The following COG3 variants were observed in gnomAD, a reference collection of about 807,000 sequenced individuals.
The protein encoded by COG3 is component of oligomeric golgi complex 3, also known as conserved oligomeric Golgi complex subunit 3.
COG3 carries 32 observed loss-of-function variants against 114.1 expected under a neutral mutation model. The observed-to-expected ratio is 0.28, with a 90% confidence interval of 0.21 to 0.38. The LOEUF is 0.38. COG3 is among the 10% of genes least tolerant of loss of function. The pLI, the probability that COG3 is intolerant of heterozygous loss-of-function variation, is 1.00. For synonymous variants in COG3, 352 were observed against 365.7 expected, an observed-to-expected ratio of 0.96 and a Z score of 0.43; for missense variants, 813 against 973.2, an observed-to-expected ratio of 0.84 and a Z score of 2.19.
At chr13:45,515,352 C>CT (rs1871431445) in intron 16 of COG3, among the ~76,000 whole-genome samples, 1 of 152,138 alleles carries the variant, frequency 6.6e-6, no homozygotes, top group Non-Finnish European at 1.5e-5. Context: ...TGAAAGATAA[C>CT]TTTATCTTTT....
At position 45,535,510 on chromosome 13, in the gene COG3, A is replaced by C; in HGVS notation, c.*779A>C. ...CGAAGTACCAATTAAGGTGTCTTAA[A>C]TTTGGCGCATAGAGGAGAGAAGGAA... On this transcript the variant is annotated 3_prime_UTR_variant, in exon 23 of 23. Transcript: ENST00000349995. 2 of 985,556 alleles carry C rather than the reference A, an allele frequency of 2.0e-6. No homozygotes were observed. Among genetic ancestry groups the C allele is most frequent in the Non-Finnish European group, 2.4e-6 (2 of 830,040 alleles). 61.1% of individuals were successfully genotyped at this position (985,556 alleles called of 1,614,324 possible). A position where few individuals can be genotyped will look rare whatever the true frequency, so the allele number is the denominator to read the frequency against.
rs1566266248 is a variant in COG3, at chr13:45,513,499, T to TCA, written c.1809+1645_1809+1646insCA. Among the ~76,000 whole-genome samples, 51 of 38,394 alleles carry TCA rather than the reference T, an allele frequency of 1.3e-3. 12 individuals are homozygous for TCA. Among genetic ancestry groups the TCA allele is most frequent in the African/African-American group, 6.1e-3 (45 of 7,394 alleles). The allele number at this position is 38,394 out of a possible 152,430, so 25.2% of individuals were successfully genotyped here. ...TATATATATAATATATACATATAAATTATATATATAATATATACATATAAA... is the reference window on the plus strand; with the variant it reads ...TATATATATAATATATACATATAAATCATATATATATAATATATACATATAAA... On this transcript the variant is annotated intron_variant, in intron 16 of 22. Transcript: ENST00000349995.
chr13:45,508,729 C>T (rs985894989), intron 14 of COG3, among the ~76,000 whole-genome samples: 3 of 152,148 alleles, frequency 2.0e-5, no homozygotes, highest in African/African-American at 7.2e-5. Flanking sequence ...TCCCTCGACC[C>T]AGAAGTGATT....
intron 15 of COG3, among the ~76,000 whole-genome samples, chr13:45,510,644 A>G (rs1016599384): frequency 1.3e-5 from 2 of 152,188 alleles, no homozygotes; most frequent in Non-Finnish European, 2.9e-5. Flanking sequence ...CAGGGATTTT[A>G]GCTTAATAGT....
intron 1 of COG3, among the ~76,000 whole-genome samples, chr13:45,471,857 T>C (rs1042943399): frequency 1.1e-4 from 16 of 151,864 alleles, no homozygotes; most frequent in African/African-American, 3.9e-4. Context: ...CTCAGCCTCC[T>C]GAGTAGCTGG....
intron 13 of COG3, 139 bp downstream of exon 13, chr13:45,496,451 C>T (rs1025820572): frequency 2.2e-5 from 12 of 546,522 alleles, no homozygotes; most frequent in Non-Finnish European, 2.8e-5. Context: ...AACTCCTGAG[C>T]TCAAGTGATC....
intron 1 of COG3, among the ~76,000 whole-genome samples, chr13:45,466,025 A>T (rs910330059): frequency 6.6e-6 from 1 of 152,126 alleles, no homozygotes; most frequent in Admixed American, 6.5e-5. Flanking sequence ...TTATATAAGC[A>T]GTGGTGATGG....
chr13:45,470,816 C>T (rs1323684249), intron 1 of COG3, among the ~76,000 whole-genome samples: 1 of 152,066 alleles, frequency 6.6e-6, no homozygotes, highest in Non-Finnish European at 1.5e-5. Context: ...TAGTGGTTGC[C>T]TTAGGATTTA....
At chr13:45,524,874 GTGT>G in intron 19 of COG3, 99 bp from the exon 20 acceptor site, 1 of 695,086 alleles carries the variant, frequency 1.4e-6, no homozygotes, top group Non-Finnish European at 2.4e-6. Flanking sequence ...GGTTTAAATG[GTGT>G]TGTGTATCCC....
chr13:45,499,892 G>A (rs1329984896), intron 13 of COG3, among the ~76,000 whole-genome samples: 3 of 151,940 alleles, frequency 2.0e-5, no homozygotes, highest in Admixed American at 6.6e-5. Flanking sequence ...CATGGTGGCG[G>A]CTGTAGTCCT....
intron 8 of COG3, among the ~76,000 whole-genome samples, chr13:45,489,453 C>T (rs1593698970): frequency 6.6e-6 from 1 of 151,544 alleles, no homozygotes; most frequent in East Asian, 1.9e-4. Flanking sequence ...TGCTTATTAG[C>T]CAAATACTAA....
At chr13:45,515,469 C>T (rs988427456) in intron 16 of COG3, among the ~76,000 whole-genome samples, 1 of 152,116 alleles carries the variant, frequency 6.6e-6, no homozygotes, top group Non-Finnish European at 1.5e-5. Context: ...AATATACAAA[C>T]TCTTTTCTGA....
chr13:45,475,944 A>T (rs1173241757), intron 1 of COG3, among the ~76,000 whole-genome samples: 1 of 151,122 alleles, frequency 6.6e-6, no homozygotes, highest in African/African-American at 2.4e-5. Context: ...AGCCTGGATG[A>T]CAGAGCAAGA....
intron 1 of COG3, among the ~76,000 whole-genome samples, chr13:45,472,428 C>G (rs1204312039): frequency 6.6e-6 from 1 of 152,100 alleles, no homozygotes; most frequent in African/African-American, 2.4e-5. Flanking sequence ...ACCCTGTTCT[C>G]ACTTGTTCTG....
intron 13 of COG3, among the ~76,000 whole-genome samples, chr13:45,500,919 CT>C (rs1452687404): frequency 2.6e-5 from 4 of 152,136 alleles, no homozygotes; most frequent in Non-Finnish European, 4.4e-5. Flanking sequence ...GTATTTCAAG[CT>C]TTTTATACAA....
Position 45,496,317 on chromosome 13 carries a change from G to GA in COG3, c.1488+6dup, listed in dbSNP as rs751198952. On this transcript the variant is annotated splice_donor_region_variant and intron_variant, in intron 13 of 22. Coordinates refer to ENST00000349995, the MANE Select transcript of COG3 (RefSeq NM_031431.4). ...GATAAGTTAGTCATGATGGAGGTAG[G>GA]ATCTCCTTACTTGATCTCCCGTCTG... 2.5e-6 allele frequency: 4 copies of GA among 1,568,664 alleles called. No homozygotes were observed. In the African/African-American group the frequency reaches 5.5e-5, roughly 21 times the overall value.
intron 13 of COG3, among the ~76,000 whole-genome samples, chr13:45,498,453 G>C (rs1413588002): frequency 6.8e-6 from 1 of 146,318 alleles, no homozygotes; most frequent in Non-Finnish European, 1.5e-5. Context: ...TCTGCCTCCC[G>C]GGTTCAAGCG....
chr13:45,530,752 A>T lies in COG3; in HGVS notation c.2429A>T (p.Gln810Leu). 6.2e-7 allele frequency: 1 copy of T among 1,613,178 alleles called. No homozygotes were observed. The highest frequency in any genetic ancestry group is 2.2e-5 in the East Asian group (1 of 44,870). ...GAAGAGTTCAGCCCTGAAGACATCC[A>T]GATCATTGCCTGTCCATCTATGGAA... ...LKEEFSPEDI[Q>L]IIACPSMEQL... The change falls in exon 22 of 23, where the codon CAG becomes CTG. Residue 810 changes from glutamine to leucine, a missense_variant. Physicochemically the swap from Gln to Leu is moderately radical, Grantham distance 113. Coordinates refer to ENST00000349995, the MANE Select transcript of COG3 (RefSeq NM_031431.4).
chr13:45,530,826 T>G (rs1873109311), intron 22 of COG3, 46 bp downstream of exon 22: 2 of 1,580,756 alleles, frequency 1.3e-6, no homozygotes, highest in Admixed American at 3.4e-5. Context: ...GCCCTCTTGG[T>G]TATTTCACCT....
Sources: gnomAD v4.1 joint callset for allele counts (sites outside exome capture counted in the v4.1 genomes callset) on GRCh38, gnomAD v4.1.1 for gene constraint, MANE v1.5 for transcripts, NCBI Gene and HGNC (gene_info 2026-07-23, HGNC 2026-07-21) for gene names.